Variants in SNX7 observed in about 807,000 individuals in gnomAD.
SNX7 encodes the protein sorting nexin-7.
In SNX7, 35 loss-of-function variants were observed where a neutral mutation model predicts 48.4. That is an observed-to-expected ratio of 0.72 (90% CI 0.55 to 0.96). The LOEUF is 0.96. SNX7 is among the 40% of genes least tolerant of loss of function. The probability of loss-of-function intolerance (pLI) is 0.00; values close to 1 mark genes in which losing one functional copy is unlikely to be tolerated. For synonymous variants in SNX7, 190 were observed against 190.2 expected (o/e 1.00, Z 0.01); for missense variants, 553 against 548.9 (o/e 1.01, Z -0.07).
At chr1:98,728,995 C>G (rs1294498223) in intron 7 of SNX7, among the ~76,000 whole-genome samples, 1 of 152,142 alleles carries the variant, frequency 6.6e-6, no homozygotes, top group African/African-American at 2.4e-5. Context: ...AATATGCATT[C>G]TTCCCAGTGC....
chr1:98,753,205 C>A (rs547685589), intron 8 of SNX7, among the ~76,000 whole-genome samples: 1 of 152,002 alleles, frequency 6.6e-6, no homozygotes, highest in Admixed American at 6.6e-5. Flanking sequence ...AATGTTATTT[C>A]TGTTGCTATC....
intron 1 of SNX7, among the ~76,000 whole-genome samples, chr1:98,681,039 T>A (rs117206603): frequency 6.6e-6 from 1 of 152,302 alleles, no homozygotes; most frequent in East Asian, 1.9e-4. Context: ...GACTGGGGCA[T>A]TTGTATAGGA....
At chr1:98,686,849 G>A (rs1207347264) in intron 2 of SNX7, among the ~76,000 whole-genome samples, 3 of 152,010 alleles carry the variant, frequency 2.0e-5, no homozygotes, top group African/African-American at 7.2e-5. Flanking sequence ...ATTATCTATT[G>A]TCATTATCCA....
At chr1:98,664,861 A>C (rs189630571) in intron 1 of SNX7, among the ~76,000 whole-genome samples, 88 of 152,282 alleles carry the variant, frequency 5.8e-4, no homozygotes, top group African/African-American at 2.1e-3. Context: ...CCAATCATAC[A>C]AAAACAGTAA....
At chr1:98,691,730 C>G in intron 4 of SNX7, 31 bp downstream of exon 4, 1 of 1,518,818 alleles carries the variant, frequency 6.6e-7, no homozygotes, top group South Asian at 1.3e-5. Flanking sequence ...CTCATATAAT[C>G]TTTGGGTGTC....
At chr1:98,740,888 C>T (rs1391378482) in intron 8 of SNX7, among the ~76,000 whole-genome samples, 1 of 152,060 alleles carries the variant, frequency 6.6e-6, no homozygotes, top group Non-Finnish European at 1.5e-5. Flanking sequence ...GTATAACTTC[C>T]AGAGATCCTT....
In SNX7 at chr1:98,695,450, T is replaced by G. The variant is rs1432806798; in HGVS notation, c.640-68T>G. The stretch of plus-strand genomic sequence containing the variant: ...TTGATTTTATTCTCCTAATTAGGTT[T>G]ATTTTTGTATTGAGTCTCGGAATAT... On this transcript the variant is annotated intron_variant, in intron 4 of 8. Coordinates refer to ENST00000306121, the MANE Select transcript of SNX7 (RefSeq NM_015976.5). The G allele has an allele frequency of 2.1e-6, 3 of 1,448,642 alleles. No homozygotes were observed. In the African/African-American group the frequency reaches 4.3e-5, roughly 21 times the overall value. The allele number at this position is 1,448,642 out of a possible 1,614,324, so 89.7% of individuals were successfully genotyped here.
At chr1:98,726,437 T>C (rs764902227) in intron 7 of SNX7, among the ~76,000 whole-genome samples, 1 of 152,198 alleles carries the variant, frequency 6.6e-6, no homozygotes, top group Non-Finnish European at 1.5e-5. Context: ...TTGAGGCAGG[T>C]GTTGCATCCT....
intron 5 of SNX7, among the ~76,000 whole-genome samples, chr1:98,698,255 T>G (rs1398866538): frequency 1.3e-5 from 2 of 152,148 alleles, no homozygotes; most frequent in Non-Finnish European, 2.9e-5. Flanking sequence ...TGTGTAAGTA[T>G]GATTCTAGGA....
At chr1:98,680,570 G>T (rs1378572005) in intron 1 of SNX7, among the ~76,000 whole-genome samples, 1 of 152,030 alleles carries the variant, frequency 6.6e-6, no homozygotes, top group Non-Finnish European at 1.5e-5. Flanking sequence ...AAAACTAAAC[G>T]CCTTAAACAG....
intron 4 of SNX7, among the ~76,000 whole-genome samples, chr1:98,692,071 G>A (rs1017602176): frequency 4.0e-5 from 6 of 151,838 alleles, no homozygotes; most frequent in Middle Eastern, 3.4e-3. Context: ...ACAACATGGC[G>A]GTTAGGGAAG....
chr1:98,668,090 A>T (rs1324169223), intron 1 of SNX7, among the ~76,000 whole-genome samples: 4 of 152,196 alleles, frequency 2.6e-5, no homozygotes, highest in Non-Finnish European at 5.9e-5. Context: ...TAGGTGAAAT[A>T]GAAAGAAGGT....
At chr1:98,687,364 C>T (rs2100945129) in intron 2 of SNX7, among the ~76,000 whole-genome samples, 1 of 152,028 alleles carries the variant, frequency 6.6e-6, no homozygotes, top group African/African-American at 2.4e-5. Context: ...AAATGACTTC[C>T]ATTGTTCTAC....
intron 1 of SNX7, among the ~76,000 whole-genome samples, chr1:98,684,362 G>A (rs1419520757): frequency 9.2e-5 from 14 of 152,138 alleles, no homozygotes; most frequent in Admixed American, 6.5e-4. Context: ...AGTTCTGGAG[G>A]CTGGGAAGTT....
intron 7 of SNX7, among the ~76,000 whole-genome samples, 153 bp from the exon 8 acceptor site, chr1:98,738,079 TTTTAC>T (rs1653882048): frequency 6.6e-6 from 1 of 152,178 alleles, no homozygotes; most frequent in Non-Finnish European, 1.5e-5. Context: ...CCCCTGTTCT[TTTTAC>T]TTTAATTAGT....
At chr1:98,702,781 T>A (rs989491094) in intron 7 of SNX7, among the ~76,000 whole-genome samples, 5 of 152,132 alleles carry the variant, frequency 3.3e-5, no homozygotes, top group African/African-American at 7.2e-5. Context: ...AAAAATGGAC[T>A]TTTAACCTAA....
At chr1:98,757,669 C>A (rs533396128) in intron 8 of SNX7, among the ~76,000 whole-genome samples, 1 of 152,114 alleles carries the variant, frequency 6.6e-6, no homozygotes, top group South Asian at 2.1e-4. Context: ...GACCACTATC[C>A]TTTGTTGCCT....
chr1:98,708,761 A>G lies in SNX7; in HGVS notation c.1125+6858A>G, dbSNP rs149447997. On this transcript the variant is annotated intron_variant, in intron 7 of 8. Coordinates refer to ENST00000306121, the MANE Select transcript of SNX7 (RefSeq NM_015976.5). ...CTTCATTGGCTTGAGTGGTAGGTACAAAAGCAAAACTGTGTTCTCCTATTT... is the reference window on the plus strand; with the variant it reads ...CTTCATTGGCTTGAGTGGTAGGTACGAAAGCAAAACTGTGTTCTCCTATTT... Among the ~76,000 whole-genome samples the G allele has an allele frequency of 1.8e-3, 276 of 152,346 alleles. 3 individuals carry two copies. The highest frequency in any genetic ancestry group is 6.3e-3 in the African/African-American group (263 of 41,588).
chr1:98,709,900 A>G (rs532142140), intron 7 of SNX7, among the ~76,000 whole-genome samples: 7 of 152,142 alleles, frequency 4.6e-5, no homozygotes, highest in Non-Finnish European at 1.0e-4. Context: ...AAACTTGTAG[A>G]GTACAATTGT....
Sources: allele counts gnomAD v4.1 joint callset (sites outside exome capture counted in the v4.1 genomes callset), GRCh38; gene constraint gnomAD v4.1.1; transcripts MANE v1.5; gene names NCBI Gene and HGNC (gene_info 2026-07-23, HGNC 2026-07-21).